SLC30A3: variants seen among roughly 807,000 people sequenced by gnomAD.
SLC30A3 encodes the protein probable proton-coupled zinc antiporter SLC30A3.
SLC30A3 carries 20 observed loss-of-function variants against 35.6 expected under a neutral mutation model. The observed-to-expected ratio is 0.56, with a 90% CI of 0.39 to 0.82. The LOEUF (loss-of-function observed/expected upper bound fraction) is 0.82. Among genes scored for constraint, SLC30A3 ranks in the 40% least tolerant of loss-of-function variants. The pLI, the probability that SLC30A3 is intolerant of heterozygous loss-of-function variation, is 0.00. For missense variants in SLC30A3, 401 were observed against 530.6 expected, an observed-to-expected ratio of 0.76 and a Z score of 2.40; for synonymous variants, 217 against 224.7, an observed-to-expected ratio of 0.97 and a Z score of 0.31.
chr2:27,267,439 T>C (rs1012794694), upstream of SLC30A3, among the ~76,000 whole-genome samples: 18 of 152,128 alleles, frequency 1.2e-4, no homozygotes, highest in African/African-American at 4.3e-4. Flanking sequence ...TTCACACTTC[T>C]CCCACCTCAT....
At chr2:27,269,197 TC>T in intron 1 of SLC30A3, among the ~76,000 whole-genome samples, 1 of 143,764 alleles carries the variant, frequency 7.0e-6, no homozygotes, top group Non-Finnish European at 1.5e-5. Context: ...TTTTTCTTTT[TC>T]TTTTTCTTTC....
Position 27,258,862 on chromosome 2 carries a change from G to C in SLC30A3, c.168C>G (p.His56Gln). ...KPVEMPFHHC[H>Q]RDPLPPPGLT... ...GGCCCGGCGGCGGAAGGGGGTCCCT[G>C]TGGCAGTGGTGGAAGGGCATCTCCA... Residue 56 changes from histidine to glutamine, a missense_variant, in exon 2 of 8, where the codon CAC becomes CAG. Physicochemically the swap from His to Gln is conservative, Grantham distance 24. Transcript: ENST00000233535. This position sits in a 1 kb window ranked among gnomAD's most constrained non-coding sequence, Gnocchi z 4.0. The C allele has an allele frequency of 6.2e-7, 1 of 1,614,142 alleles. No individual in the cohort carries two copies. The highest frequency in any genetic ancestry group is 8.5e-7 in the Non-Finnish European group (1 of 1,179,992).
At chr2:27,264,216 G>T (rs1677378090), upstream of SLC30A3, 3 of 457,024 alleles carry the variant, frequency 6.6e-6, no homozygotes, top group South Asian at 4.9e-5. This position sits in a 1 kb window ranked among gnomAD's most constrained non-coding sequence, Gnocchi z 6.1. Context: ...TGGTTAGTGA[G>T]CCCAGGCAAG....
At chr2:27,268,029 C>G (rs558526719), upstream of SLC30A3, among the ~76,000 whole-genome samples, 4 of 151,950 alleles carry the variant, frequency 2.6e-5, no homozygotes, top group South Asian at 8.3e-4. Flanking sequence ...CCATAGCCAT[C>G]ATTACCATCT....
intron 1 of SLC30A3, among the ~76,000 whole-genome samples, chr2:27,259,491 C>CAAA (rs566907646): frequency 3.2e-5 from 4 of 124,486 alleles, no homozygotes; most frequent in African/African-American, 1.1e-4. Flanking sequence ...GAGACTGTCT[C>CAAA]AAAAAAAAAA....
At chr2:27,259,125 T>C (rs1251806106) in intron 1 of SLC30A3, 191 bp from the exon 2 acceptor site, 4 of 515,534 alleles carry the variant, frequency 7.8e-6, no homozygotes, top group Middle Eastern at 4.9e-4. Flanking sequence ...CCAGCCTCCC[T>C]TTTCCTTCCA....
rs1572469600 is a variant in SLC30A3 at position 27,257,216 on chromosome 2, C to T, written c.715G>A (p.Val239Met). Residue 239 changes from valine to methionine, a missense_variant, in exon 5 of 8, where the codon GTG becomes ATG. Physicochemically the swap from Val to Met is conservative, Grantham distance 21 (BLOSUM62 1). Coordinates refer to ENST00000233535, the MANE Select transcript of SLC30A3 (RefSeq NM_003459.5). This position sits in a 1 kb window ranked among gnomAD's most constrained non-coding sequence, Gnocchi z 4.7. ...NTSVRAAFVH[V>M]LGDLLQSFGV... ...AAGCTCTGCAGGAGGTCCCCCAGCA[C>T]GTGCACAAATGCCGCCCGGACGCTG... The T allele has an allele frequency of 3.7e-6, 6 of 1,614,068 alleles. No homozygotes were observed. The highest frequency in any genetic ancestry group is 5.1e-6 in the Non-Finnish European group (6 of 1,179,982).
rs1676856456 is a variant in SLC30A3, at chr2:27,256,451, G to T, written c.953C>A (p.Thr318Asn). 6.2e-7 allele frequency: 1 copy of T among 1,614,012 alleles called. No individual in the cohort carries two copies. The highest frequency in any genetic ancestry group is 8.5e-7 in the Non-Finnish European group (1 of 1,180,038). Residue 318 changes from threonine to asparagine, a missense_variant, in exon 7 of 8, where the codon ACC becomes AAC. Physicochemically the swap from Thr to Asn is moderately conservative, Grantham distance 65. This residue lies in a region of SLC30A3 where 296 missense variants were observed against 392.6 expected (regional missense o/e 0.75). Coordinates refer to ENST00000233535, the MANE Select transcript of SLC30A3 (RefSeq NM_003459.5). ...TLLSVPGVRA[T>N]HELHLWALTL... ...AAGGGCCCACAGGTGCAGCTCATGG[G>T]TTGCCCGGACTCCTGGCACCGACAA...
Position 27,257,033 on chromosome 2 carries a change from G to T in SLC30A3, c.777+121C>A. The T allele has an allele frequency of 8.5e-7, 1 of 1,182,482 alleles. No individual in the cohort carries two copies. Among genetic ancestry groups the T allele is most frequent in the Non-Finnish European group, 1.3e-6 (1 of 795,740 alleles). 73.2% of individuals were successfully genotyped at this position (1,182,482 alleles called of 1,614,324 possible). A position where few individuals can be genotyped will look rare whatever the true frequency, so the allele number is the denominator to read the frequency against. On this transcript the variant is annotated intron_variant, in intron 5 of 7. Coordinates refer to ENST00000233535, the MANE Select transcript of SLC30A3 (RefSeq NM_003459.5). This position sits in a 1 kb window ranked among gnomAD's most constrained non-coding sequence, Gnocchi z 4.7. ...GGGAACATGACTCATGTCTGGGAGA[G>T]TCCTGGGAGGTGGGAGGGAGGAGCT...
At chr2:27,272,661 C>T (rs1466123711) in intron 1 of SLC30A3, among the ~76,000 whole-genome samples, 1 of 151,570 alleles carries the variant, frequency 6.6e-6, no homozygotes, top group Admixed American at 6.6e-5. Flanking sequence ...CTCCTGACCT[C>T]GTGATCGACC....
chr2:27,270,740 A>G (rs1213485174), intron 1 of SLC30A3, among the ~76,000 whole-genome samples: 1 of 152,200 alleles, frequency 6.6e-6, no homozygotes, highest in Non-Finnish European at 1.5e-5. Flanking sequence ...GGACAGGGAC[A>G]TGAAGCAGTC....
chr2:27,264,165 G>A (rs923444644), upstream of SLC30A3: 2 of 805,116 alleles, frequency 2.5e-6, no homozygotes, highest in Admixed American at 4.7e-5. This position sits in a 1 kb window ranked among gnomAD's most constrained non-coding sequence, Gnocchi z 6.1. Context: ...TAGGAGGAGG[G>A]GAGCGAGTGA....
rs532213258 is a variant in SLC30A3, at chr2:27,258,454, G to A, written c.278-147C>T. On this transcript the variant is annotated intron_variant, in intron 2 of 7. Transcript: ENST00000233535. The surrounding 1 kb of genome is among the most constrained non-coding windows in gnomAD (Gnocchi z 4.0). The stretch of plus-strand genomic sequence containing the variant: ...GGGACTACAGGTATAATTAACTACT[G>A]TTATGTTATTTTTTTCATTCATCTG... The A allele has an allele frequency of 1.7e-5, 12 of 706,662 alleles. No homozygotes were observed. Among genetic ancestry groups the A allele is most frequent in the Non-Finnish European group, 2.7e-5 (12 of 440,064 alleles). 43.8% of individuals were successfully genotyped at this position (706,662 alleles called of 1,614,324 possible).
chr2:27,255,144 C>A lies in SLC30A3; in HGVS notation c.*168G>T. The stretch of plus-strand genomic sequence containing the variant: ...CTCCCCGCCACACTTTGGTCTTGCC[C>A]ACTGGGGCTGGGGCTGGGGCTGAGG... On this transcript the variant is annotated 3_prime_UTR_variant, in exon 8 of 8. Coordinates refer to ENST00000233535, the MANE Select transcript of SLC30A3 (RefSeq NM_003459.5). The surrounding 1 kb of genome is among the most constrained non-coding windows in gnomAD (Gnocchi z 5.2). 2 of 1,567,200 alleles carry A rather than the reference C, an allele frequency of 1.3e-6. No homozygotes were observed. The highest frequency in any genetic ancestry group is 8.6e-7 in the Non-Finnish European group (1 of 1,163,768).
chr2:27,259,136 T>C, intron 1 of SLC30A3: 3 of 490,862 alleles, frequency 6.1e-6, no homozygotes, highest in Non-Finnish European at 1.1e-5. Context: ...TTTCCTTCCA[T>C]ACACAGAGCC....
At chr2:27,259,712 A>G (rs1281570487) in intron 1 of SLC30A3, among the ~76,000 whole-genome samples, 1 of 152,196 alleles carries the variant, frequency 6.6e-6, no homozygotes, top group East Asian at 1.9e-4. Flanking sequence ...TGGGGGACAC[A>G]TGGAGGCCAA....
rs376809166 is a variant in SLC30A3, at chr2:27,255,495, G to A, written c.1019-35C>T. The A allele has an allele frequency of 7.0e-5, 112 of 1,604,304 alleles. 1 individual carries two copies. Among genetic ancestry groups the A allele is most frequent in the Middle Eastern group, 1.7e-4 (1 of 5,892 alleles). ...AGTGATAAGAGGCGGCATCCATCCC[G>A]GGGGAGAAAGAACAGGCAGGGACTG... On this transcript the variant is annotated intron_variant, in intron 7 of 7. Transcript: ENST00000233535. The surrounding 1 kb of genome is among the most constrained non-coding windows in gnomAD (Gnocchi z 5.2).
At chr2:27,261,074 G>A (rs1278074229) in intron 1 of SLC30A3, among the ~76,000 whole-genome samples, 1 of 152,198 alleles carries the variant, frequency 6.6e-6, no homozygotes, top group Non-Finnish European at 1.5e-5. Context: ...GAACTTCACA[G>A]AGAAAGGTAT....
chr2:27,264,805 C>T (rs569325329), upstream of SLC30A3, among the ~76,000 whole-genome samples: 45 of 152,384 alleles, frequency 3.0e-4, no homozygotes, highest in African/African-American at 7.9e-4. This position sits in a 1 kb window ranked among gnomAD's most constrained non-coding sequence, Gnocchi z 6.1. Flanking sequence ...AGCAGGAAAC[C>T]ACCGGCCAAG....
Sources: gnomAD v4.1 joint callset for allele counts (sites outside exome capture counted in the v4.1 genomes callset) on GRCh38, gnomAD v4.1.1 for gene constraint, gnomAD v4.1.1 regional missense constraint, Gnocchi (gnomAD v3.1) non-coding constraint, MANE v1.5 for transcripts, NCBI Gene and HGNC (gene_info 2026-07-23, HGNC 2026-07-21) for gene names.